Variants in NGRN observed in about 807,000 individuals in gnomAD.
NGRN encodes neugrin.
In NGRN, 12 loss-of-function variants were observed where a neutral mutation model predicts 13.1. The observed-to-expected ratio is 0.92, with a 90% CI of 0.59 to 1.49. NGRN has a LOEUF of 1.49. Among genes scored for constraint, NGRN ranks in the 40% most tolerant of loss-of-function variants. The probability of loss-of-function intolerance (pLI) is 0.00; values close to 1 mark genes in which losing one functional copy is unlikely to be tolerated. For missense variants in NGRN, 397 were observed against 357.0 expected, an observed-to-expected ratio of 1.11 and a Z score of -0.90; for synonymous variants, 149 against 145.8, an observed-to-expected ratio of 1.02 and a Z score of -0.16.
In NGRN at chr15:90,271,629, T is replaced by G. The variant is rs1481231420; in HGVS notation, c.717T>G (p.Ser239Arg). The G allele has an allele frequency of 1.9e-6, 3 of 1,614,044 alleles. No individual in the cohort carries two copies. The highest frequency in any genetic ancestry group is 1.3e-5 in the African/African-American group (1 of 74,924). ...GHPRELQKYS[S>R]DSESPRGTGS... is the part of the protein sequence containing the mutation. ...CAAGAGAGCTGCAGAAGTACTCCAG[T>G]GATTCTGAGAGCCCCAGAGGAACTG... is the stretch of plus-strand genomic sequence containing the variant. The change falls in exon 3 of 3, where the codon AGT becomes AGG. Residue 239 changes from serine (S) to arginine (R), a missense_variant. By Grantham distance (110) the Ser-to-Arg change is moderately radical. Transcript: ENST00000379095.
At chr15:90,269,257 T>G (rs1385967740) in intron 2 of NGRN, among the ~76,000 whole-genome samples, 2 of 149,176 alleles carry the variant, frequency 1.3e-5, no homozygotes, top group African/African-American at 5.0e-5. Context: ...TCAAGTGATC[T>G]GCCTGCCTTA....
rs1239075132 is a variant in NGRN at position 90,271,765 on chromosome 15, G to A, written c.853G>A (p.Gly285Arg). 5.6e-6 allele frequency: 9 copies of A among 1,614,096 alleles called. No individual in the cohort carries two copies. The highest frequency in any genetic ancestry group is 1.1e-5 in the South Asian group (1 of 91,080). ...QRGREFFDSN[G>R]NFLYRI ...GGGCCGAGAGTTCTTTGACAGCAAC[G>A]GGAACTTCCTGTACAGAATTTGAGT... Residue 285 changes from glycine to arginine, a missense_variant, in exon 3 of 3, where the codon GGG becomes AGG. Gly to Arg is a moderately radical substitution (Grantham distance 125). Transcript: ENST00000379095.
rs368658728 is a variant in NGRN at position 90,266,403 on chromosome 15, G to A, written c.275+5G>A. The A allele has an allele frequency of 2.1e-5, 34 of 1,608,276 alleles. No homozygotes were observed. Among genetic ancestry groups the A allele is most frequent in the Non-Finnish European group, 2.7e-5 (32 of 1,176,678 alleles). On this transcript the variant is annotated splice_donor_5th_base_variant and intron_variant, in intron 2 of 2. Transcript: ENST00000379095. Reference sequence around the variant, plus strand: ...GGAAGCCATGGAGCAGATACGGTGAGACTCAGGATACCTTGTTTGTATCCG... The same window carrying A: ...GGAAGCCATGGAGCAGATACGGTGAAACTCAGGATACCTTGTTTGTATCCG...
Position 90,266,277 on chromosome 15 carries a change from T to G in NGRN, c.165-11T>G. The G allele has an allele frequency of 6.2e-7, 1 of 1,611,320 alleles. No homozygotes were observed. Among genetic ancestry groups the G allele is most frequent in the Non-Finnish European group, 8.5e-7 (1 of 1,178,840 alleles). On this transcript the variant is annotated splice_polypyrimidine_tract_variant and intron_variant, in intron 1 of 2. Coordinates refer to ENST00000379095, the MANE Select transcript of NGRN (RefSeq NM_001033088.3). ...CACGCATGGCTTCTGCCATTGGTTC[T>G]CTTCCCCCAGCACCCTGAAACGACA... is the stretch of plus-strand genomic sequence containing the variant.
intron 1 of NGRN, 103 bp from the exon 2 acceptor site, chr15:90,266,185 A>C: frequency 6.7e-7 from 1 of 1,488,130 alleles, no homozygotes; most frequent in Non-Finnish European, 8.9e-7. Flanking sequence ...TGCCCTTGCG[A>C]TCAAAGAGAA....
chr15:90,269,117 T>C (rs886550592), intron 2 of NGRN, among the ~76,000 whole-genome samples: 4 of 146,374 alleles, frequency 2.7e-5, no homozygotes, highest in African/African-American at 1.0e-4. Flanking sequence ...TGCCTCAGCC[T>C]TCCAAGTAGA....
Position 90,271,582 on chromosome 15 carries a change from G to T in NGRN, c.670G>T (p.Val224Phe). 6.2e-7 allele frequency: 1 copy of T among 1,614,190 alleles called. No homozygotes were observed. Among genetic ancestry groups the T allele is most frequent in the Non-Finnish European group, 8.5e-7 (1 of 1,180,040 alleles). ...GGACCTGGAGGAGAGCTTTGTGCCT[G>T]TTGCTGCACCCCTAGGTCATCCAAG... is the stretch of plus-strand genomic sequence containing the variant. The part of the protein sequence containing the change: ...IQDLEESFVP[V>F]AAPLGHPREL... Residue 224 changes from valine to phenylalanine, a missense_variant, in exon 3 of 3, where the codon GTT becomes TTT. By Grantham distance (50) the Val-to-Phe change is conservative (BLOSUM62 -1). Coordinates refer to ENST00000379095, the MANE Select transcript of NGRN (RefSeq NM_001033088.3).
chr15:90,268,992 CTTTTTT>C (rs71461858), intron 2 of NGRN, among the ~76,000 whole-genome samples: 1 of 45,690 alleles, frequency 2.2e-5, no homozygotes, highest in Non-Finnish European at 3.9e-5. Context: ...CTGATTCTCT[CTTTTTT>C]TTTTTTTTTT....
At chr15:90,267,537 C>T (rs1363896250) in intron 2 of NGRN, among the ~76,000 whole-genome samples, 1 of 152,136 alleles carries the variant, frequency 6.6e-6, no homozygotes, top group African/African-American at 2.4e-5. Flanking sequence ...ATGGGGGTCT[C>T]ACTATGATGA....
At chr15:90,270,233 C>T (rs1567083260) in intron 2 of NGRN, among the ~76,000 whole-genome samples, 1 of 152,166 alleles carries the variant, frequency 6.6e-6, no homozygotes, top group Non-Finnish European at 1.5e-5. Context: ...CATTCCACTG[C>T]TTAAAATTTT....
At chr15:90,265,975 C>A in intron 1 of NGRN, 99 bp downstream of exon 1, 12 of 1,404,624 alleles carry the variant, frequency 8.5e-6, no homozygotes, top group Non-Finnish European at 1.0e-5. Flanking sequence ...CCGCTGCTTG[C>A]GCAGCGGCCC....
chr15:90,267,269 C>T (rs1322396184), intron 2 of NGRN, among the ~76,000 whole-genome samples: 2 of 151,750 alleles, frequency 1.3e-5, no homozygotes, highest in East Asian at 1.9e-4. Context: ...AGGGCTCAAG[C>T]GATCATCCCA....
At chr15:90,269,527 T>TCTA (rs1232986431) in intron 2 of NGRN, among the ~76,000 whole-genome samples, 1 of 152,066 alleles carries the variant, frequency 6.6e-6, no homozygotes, top group East Asian at 1.9e-4. Flanking sequence ...GGGCTCCTCT[T>TCTA]CTACCTCCTA....
Position 90,271,982 on chromosome 15 carries a change from G to A in NGRN, c.*194G>A. The A allele has an allele frequency of 1.5e-6, 1 of 662,958 alleles. No homozygotes were observed. Among genetic ancestry groups the A allele is most frequent in the Non-Finnish European group, 2.5e-6 (1 of 398,548 alleles). 41.1% of individuals were successfully genotyped at this position (662,958 alleles called of 1,614,324 possible). A position where few individuals can be genotyped will look rare whatever the true frequency, so the allele number is the denominator to read the frequency against. The stretch of plus-strand genomic sequence containing the variant: ...TGGTAGTGCTCCCAGTCTGACCTCT[G>A]TAGACCTTCAGTACTCACTCTTCTT... On this transcript the variant is annotated 3_prime_UTR_variant, in exon 3 of 3. Transcript: ENST00000379095.
In NGRN at chr15:90,271,431, G is replaced by C; in HGVS notation, c.519G>C (p.Leu173Phe). Residue 173 changes from leucine to phenylalanine, a missense_variant, in exon 3 of 3, where the codon TTG becomes TTC. Transcript: ENST00000379095. ...LPAGHSVSGS[L>F]LMPGHEASSK... ...CAGGCCACTCTGTATCAGGCTCTTT[G>C]CTTATGCCAGGGCATGAAGCCTCAT... 2.5e-6 allele frequency: 4 copies of C among 1,613,990 alleles called. No homozygotes were observed. Among genetic ancestry groups the C allele is most frequent in the Non-Finnish European group, 3.4e-6 (4 of 1,179,984 alleles).
At chr15:90,270,246 C>G (rs914904590) in intron 2 of NGRN, among the ~76,000 whole-genome samples, 2 of 152,066 alleles carry the variant, frequency 1.3e-5, no homozygotes, top group Non-Finnish European at 2.9e-5. Flanking sequence ...AAAATTTTTC[C>G]TTGACTTGCT....
chr15:90,269,771 T>C (rs1963479124), intron 2 of NGRN, among the ~76,000 whole-genome samples: 1 of 152,210 alleles, frequency 6.6e-6, no homozygotes, highest in Admixed American at 6.5e-5. Context: ...ATGTACAAAA[T>C]AGAATTCATC....
Position 90,271,656 on chromosome 15 carries a change from C to A in NGRN, c.744C>A (p.Gly248=), listed in dbSNP as rs1825819204. The A allele has an allele frequency of 6.2e-7, 1 of 1,614,024 alleles. No individual in the cohort carries two copies. Among genetic ancestry groups the A allele is most frequent in the African/African-American group, 1.3e-5 (1 of 74,912 alleles). ...ATTCTGAGAGCCCCAGAGGAACTGG[C>A]AGTGGTGCGTTGCCAAGTGGTCAGA... The part of the protein sequence containing the change: ...SSDSESPRGT[G]SGALPSGQKL... The change falls in exon 3 of 3, where the codon GGC becomes GGA. Residue 248 remains glycine, a synonymous_variant. Transcript: ENST00000379095.
In NGRN at chr15:90,271,968, C is replaced by A; in HGVS notation, c.*180C>A. The A allele has an allele frequency of 1.4e-6, 1 of 739,784 alleles. No individual in the cohort carries two copies. 45.8% of individuals were successfully genotyped at this position (739,784 alleles called of 1,614,324 possible). On this transcript the variant is annotated 3_prime_UTR_variant, in exon 3 of 3. Coordinates refer to ENST00000379095, the MANE Select transcript of NGRN (RefSeq NM_001033088.3). ...ATTCAAACTTCCTGTGGTAGTGCTC[C>A]CAGTCTGACCTCTGTAGACCTTCAG...
Sources: gnomAD v4.1 joint callset for allele counts (sites outside exome capture counted in the v4.1 genomes callset) on GRCh38, gnomAD v4.1.1 for gene constraint, MANE v1.5 for transcripts, NCBI Gene and HGNC (gene_info 2026-07-23, HGNC 2026-07-21) for gene names.